Variants in CNTNAP2 observed in about 807,000 individuals in gnomAD.
CNTNAP2 encodes the protein contactin associated protein 2, also known as contactin-associated protein-like 2.
Under a neutral mutation model 155.2 loss-of-function variants are expected in CNTNAP2, and 98 were observed. The ratio of observed to expected loss-of-function variants is 0.63; its 90% CI spans 0.54 to 0.75. CNTNAP2 has a LOEUF of 0.75. CNTNAP2 is among the 30% of genes least tolerant of loss of function. CNTNAP2 has a pLI of 0.00. For synonymous variants in CNTNAP2, 651 were observed against 631.2 expected, an observed-to-expected ratio of 1.03 and a Z score of -0.47; for missense variants, 1,727 against 1,688.1, an observed-to-expected ratio of 1.02 and a Z score of -0.40.
In CNTNAP2 at chr7:146,585,166, G is replaced by C. The variant is rs534446336; in HGVS notation, c.98-189105G>C. Among the ~76,000 whole-genome samples the C allele has an allele frequency of 5.3e-5, 8 of 152,198 alleles. No homozygotes were observed. In the South Asian group the frequency reaches 6.2e-4, roughly 12 times the overall value. ...TTTTCGGAGTCCCACTCTATCGCCAGACTGGAGTGCAGTGGCACGATCTCG... is the reference window on the plus strand; with the variant it reads ...TTTTCGGAGTCCCACTCTATCGCCACACTGGAGTGCAGTGGCACGATCTCG... On this transcript the variant is annotated intron_variant, in intron 1 of 23. Coordinates refer to ENST00000361727, the MANE Select transcript of CNTNAP2 (RefSeq NM_014141.6).
intron 4 of CNTNAP2, among the ~76,000 whole-genome samples, chr7:147,091,443 A>G (rs527600407): frequency 2.0e-5 from 3 of 152,114 alleles, no homozygotes; most frequent in African/African-American, 4.8e-5. Flanking sequence ...AAACTCAACC[A>G]TATACTTTTT....
Position 147,480,370 on chromosome 7 carries a change from T to A in CNTNAP2, c.1671-5565T>A, listed in dbSNP as rs117185475. On this transcript the variant is annotated intron_variant, in intron 10 of 23. Coordinates refer to ENST00000361727, the MANE Select transcript of CNTNAP2 (RefSeq NM_014141.6). ...GCATATTTAATGTCCAGGTGTAAAG[T>A]TGGCATTAGTCTAAAAGCAAATTAA... Among the ~76,000 whole-genome samples the A allele has an allele frequency of 3.7e-4, 56 of 152,320 alleles. No individual in the cohort carries two copies. The East Asian group carries it at 9.1e-3, about 25-fold the overall frequency.
At chr7:146,254,256 A>G (rs1468868039) in intron 1 of CNTNAP2, among the ~76,000 whole-genome samples, 3 of 152,204 alleles carry the variant, frequency 2.0e-5, no homozygotes, top group Non-Finnish European at 4.4e-5. Flanking sequence ...GGATTCTGCT[A>G]TTCTCTGGTT....
chr7:147,415,033 CA>C (rs1563196198), intron 10 of CNTNAP2, among the ~76,000 whole-genome samples: 1 of 150,086 alleles, frequency 6.7e-6, no homozygotes, highest in East Asian at 2.0e-4. Context: ...GAGGGCAAGA[CA>C]AAGTCAAGGC....
At chr7:148,362,528 T>A (rs1056109960) in intron 21 of CNTNAP2, among the ~76,000 whole-genome samples, 2 of 152,162 alleles carry the variant, frequency 1.3e-5, no homozygotes, top group Non-Finnish European at 2.9e-5. Flanking sequence ...CTTGTGGCGC[T>A]GAGGTGCTGA....
intron 12 of CNTNAP2, among the ~76,000 whole-genome samples, chr7:147,633,860 T>C (rs1795131078): frequency 6.6e-6 from 1 of 152,200 alleles, no homozygotes; most frequent in African/African-American, 2.4e-5. Context: ...CTTCATAAAT[T>C]ACCCAGTCTT....
At chr7:148,335,170 G>A (rs1798097135) in intron 21 of CNTNAP2, among the ~76,000 whole-genome samples, 1 of 152,206 alleles carries the variant, frequency 6.6e-6, no homozygotes, top group Non-Finnish European at 1.5e-5. Context: ...AGTCCAAGAA[G>A]GAAAGAGCTC....
At chr7:146,579,204 AT>A (rs1383378087) in intron 1 of CNTNAP2, among the ~76,000 whole-genome samples, 7 of 151,748 alleles carry the variant, frequency 4.6e-5, no homozygotes, top group Admixed American at 3.3e-4. Context: ...TTCCCTCTCA[AT>A]TTTTTTTGTT....
intron 1 of CNTNAP2, among the ~76,000 whole-genome samples, chr7:146,390,587 C>T (rs1795526078): frequency 6.7e-6 from 1 of 149,126 alleles, no homozygotes; most frequent in Non-Finnish European, 1.5e-5. Flanking sequence ...TAATAAAATA[C>T]ATATATTTTC....
intron 9 of CNTNAP2, among the ~76,000 whole-genome samples, chr7:147,364,587 T>G (rs1796194744): frequency 6.6e-6 from 1 of 152,240 alleles, no homozygotes; most frequent in Non-Finnish European, 1.5e-5. Flanking sequence ...ATATTTCACT[T>G]CTTTAAGTTC....
intron 13 of CNTNAP2, among the ~76,000 whole-genome samples, chr7:147,692,873 C>A (rs1796108267): frequency 6.6e-6 from 1 of 151,724 alleles, no homozygotes; most frequent in Non-Finnish European, 1.5e-5. Flanking sequence ...CCATTTTTTC[C>A]CTAAAGTGTG....
intron 13 of CNTNAP2, among the ~76,000 whole-genome samples, chr7:147,856,259 A>G (rs1799037762): frequency 6.6e-6 from 1 of 152,186 alleles, no homozygotes; most frequent in Non-Finnish European, 1.5e-5. Context: ...AATAAGGCCC[A>G]GAGCCCAGGC....
intron 1 of CNTNAP2, among the ~76,000 whole-genome samples, chr7:146,232,969 TCTCA>T (rs1252882346): frequency 2.0e-5 from 3 of 152,122 alleles, no homozygotes; most frequent in African/African-American, 7.2e-5. Flanking sequence ...TTATTCCATC[TCTCA>T]CTCTATTGCA....
intron 11 of CNTNAP2, among the ~76,000 whole-genome samples, chr7:147,560,417 T>A (rs1473246242): frequency 6.6e-6 from 1 of 152,178 alleles, no homozygotes; most frequent in Non-Finnish European, 1.5e-5. Flanking sequence ...TTAAAAATAC[T>A]TTTCCTCTGC....
intron 1 of CNTNAP2, among the ~76,000 whole-genome samples, chr7:146,441,331 G>C (rs893534722): frequency 6.6e-6 from 1 of 151,376 alleles, no homozygotes; most frequent in African/African-American, 2.5e-5. Context: ...AAGTTTCAGA[G>C]GACTTTCATA....
At chr7:146,950,545 T>A (rs1409649502) in intron 3 of CNTNAP2, among the ~76,000 whole-genome samples, 1 of 152,132 alleles carries the variant, frequency 6.6e-6, no homozygotes, top group Non-Finnish European at 1.5e-5. Flanking sequence ...ATATGTGGTG[T>A]TTGTTTTCTG....
At chr7:146,343,531 A>C (rs1003150358) in intron 1 of CNTNAP2, among the ~76,000 whole-genome samples, 5 of 152,212 alleles carry the variant, frequency 3.3e-5, no homozygotes, top group African/African-American at 4.8e-5. Context: ...CAAAATTTTA[A>C]AGAAATCACC....
intron 15 of CNTNAP2, among the ~76,000 whole-genome samples, chr7:147,996,865 G>GT (rs1801811729): frequency 6.6e-6 from 1 of 152,170 alleles, no homozygotes; most frequent in East Asian, 1.9e-4. Context: ...GCTATGGTCT[G>GT]TTTTTGTCTT....
chr7:146,842,017 GGAT>G (rs1394956180), intron 3 of CNTNAP2, among the ~76,000 whole-genome samples: 17 of 150,282 alleles, frequency 1.1e-4, no homozygotes, highest in African/African-American at 3.9e-4. Flanking sequence ...CGAGTAGCTG[GGAT>G]TGCAGGCATC....
Sources: allele counts gnomAD v4.1 joint callset (sites outside exome capture counted in the v4.1 genomes callset), GRCh38; gene constraint gnomAD v4.1.1; transcripts MANE v1.5; gene names NCBI Gene and HGNC (gene_info 2026-07-23, HGNC 2026-07-21).